The following HDHD5 variants were observed in gnomAD, a reference collection of about 807,000 sequenced individuals.
The protein encoded by HDHD5 is haloacid dehalogenase-like hydrolase domain-containing 5.
HDHD5 carries 34 observed loss-of-function variants against 35.5 expected under a neutral mutation model. The ratio of observed to expected loss-of-function variants is 0.96; its 90% confidence interval spans 0.73 to 1.28. The LOEUF (loss-of-function observed/expected upper bound fraction) is 1.28, where lower values mean the gene tolerates loss of function less well. Ranked by LOEUF, HDHD5 falls within the 50% of genes most tolerant of loss-of-function variation. HDHD5 has a pLI of 0.00. For synonymous variants in HDHD5, 248 were observed against 240.6 expected (o/e 1.03, Z -0.29); for missense variants, 589 against 560.2 (o/e 1.05, Z -0.52).
chr22:17,137,581 C>T lies in HDHD5; in HGVS notation c.*440G>A, dbSNP rs1363349036. The T allele has an allele frequency of 6.4e-6, 1 of 157,044 alleles. No individual in the cohort carries two copies. Among genetic ancestry groups the T allele is most frequent in the African/African-American group, 2.4e-5 (1 of 41,576 alleles). 9.7% of individuals were successfully genotyped at this position (157,044 alleles called of 1,614,324 possible). A position where few individuals can be genotyped will look rare whatever the true frequency, so the allele number is the denominator to read the frequency against. On this transcript the variant is annotated 3_prime_UTR_variant, in exon 8 of 8. Transcript: ENST00000336737. ...AAAAAAAAAGCCCCACATCTCCGGGCAATAAACTACAATACAGTAAAAAGT... is the reference window on the plus strand; with the variant it reads ...AAAAAAAAAGCCCCACATCTCCGGGTAATAAACTACAATACAGTAAAAAGT...
chr22:17,164,376 A>T (rs2061880234), intron 1 of HDHD5, among the ~76,000 whole-genome samples: 1 of 152,224 alleles, frequency 6.6e-6, no homozygotes, highest in South Asian at 2.1e-4. Flanking sequence ...TTTGGCTGTA[A>T]GACACAGAAA....
At chr22:17,147,511 G>T (rs1305934596) in intron 3 of HDHD5, among the ~76,000 whole-genome samples, 1 of 132,024 alleles carries the variant, frequency 7.6e-6, no homozygotes, top group Non-Finnish European at 1.6e-5. Flanking sequence ...TCGATCACAC[G>T]CCATCGCACA....
At chr22:17,139,253 C>T (rs1022228285) in intron 6 of HDHD5, among the ~76,000 whole-genome samples, 5 of 152,182 alleles carry the variant, frequency 3.3e-5, no homozygotes, top group Non-Finnish European at 4.4e-5. Flanking sequence ...GGCGGCCAGG[C>T]GCAGTGGCTC....
At position 17,149,584 on chromosome 22, in the gene HDHD5, T is replaced by C. The variant is rs780008471; in HGVS notation, c.288A>G (p.Gln96=). The C allele has an allele frequency of 1.2e-6, 2 of 1,612,700 alleles. No homozygotes were observed. Among genetic ancestry groups the C allele is most frequent in the African/African-American group, 2.7e-5 (2 of 74,866 alleles). The change falls in exon 2 of 8, where the codon CAA becomes CAG. Residue 96 remains glutamine, a synonymous_variant. Transcript: ENST00000336737. ...CTGACAGCTCCTGGGCTTTGCTGTG[T>C]TGTAAGATGTTCCCAGCATTTGTAA... is the stretch of plus-strand genomic sequence containing the variant. ...VFVTNAGNIL[Q]HSKAQELSAL...
chr22:17,157,478 G>A (rs1010007914), intron 1 of HDHD5, among the ~76,000 whole-genome samples: 3 of 152,064 alleles, frequency 2.0e-5, no homozygotes, highest in South Asian at 2.1e-4. Context: ...AAGTGAAGCC[G>A]CTAACAGACT....
intron 5 of HDHD5, 51 bp from the exon 6 acceptor site, chr22:17,141,284 C>CA (rs760013470): frequency 1.9e-6 from 3 of 1,541,274 alleles, no homozygotes; most frequent in Non-Finnish European, 2.6e-6. Flanking sequence ...TGGCAGGCGG[C>CA]AGGCCCTCAG....
chr22:17,163,451 G>C (rs2061875227), upstream of HDHD5, among the ~76,000 whole-genome samples: 1 of 152,150 alleles, frequency 6.6e-6, no homozygotes, highest in Non-Finnish European at 1.5e-5. Flanking sequence ...ACTTTAGGAA[G>C]CTCTCCTTTA....
At chr22:17,163,715 G>A (rs1244530320), upstream of HDHD5, among the ~76,000 whole-genome samples, 1 of 152,162 alleles carries the variant, frequency 6.6e-6, no homozygotes, top group Non-Finnish European at 1.5e-5. Flanking sequence ...CCATAAAACA[G>A]CAGCCATTCC....
intron 1 of HDHD5, among the ~76,000 whole-genome samples, chr22:17,155,269 A>T (rs985614504): frequency 2.1e-5 from 3 of 145,604 alleles, no homozygotes; most frequent in Non-Finnish European, 3.0e-5. Flanking sequence ...TTTTTTTGAG[A>T]CGGAGTCTCA....
chr22:17,141,381 A>G (rs1252489301), intron 5 of HDHD5, 148 bp from the exon 6 acceptor site: 6 of 1,401,266 alleles, frequency 4.3e-6, no homozygotes, highest in Non-Finnish European at 4.6e-6. Flanking sequence ...CAAGCCCAGT[A>G]GAGCCCCTTA....
At chr22:17,141,335 T>C in intron 5 of HDHD5, 102 bp from the exon 6 acceptor site, 7 of 1,464,290 alleles carry the variant, frequency 4.8e-6, no homozygotes, top group Non-Finnish European at 4.5e-6. Flanking sequence ...CCTCCACCCA[T>C]GGTGCACCCA....
intron 1 of HDHD5, among the ~76,000 whole-genome samples, chr22:17,152,271 G>C (rs1182363987): frequency 9.6e-6 from 1 of 104,158 alleles, no homozygotes. Context: ...GCATTGGGTG[G>C]ACTGAAGGGA....
intron 7 of HDHD5, 37 bp downstream of exon 7, chr22:17,138,513 G>A (rs1171787779): frequency 2.5e-6 from 4 of 1,597,552 alleles, no homozygotes; most frequent in Middle Eastern, 1.7e-4. Context: ...AGAAGGGGAT[G>A]TCATAAAAGG....
At chr22:17,147,900 C>T (rs1385896447) in intron 3 of HDHD5, among the ~76,000 whole-genome samples, 3 of 152,236 alleles carry the variant, frequency 2.0e-5, no homozygotes, top group African/African-American at 4.8e-5. Context: ...ATAAGTCCTA[C>T]GCCCTCATCC....
chr22:17,159,213 C>T lies in HDHD5; in HGVS notation c.39G>A (p.Ala13=). 8.3e-7 allele frequency: 1 copy of T among 1,210,200 alleles called. No individual in the cohort carries two copies. The highest frequency in any genetic ancestry group is 1.0e-6 in the Non-Finnish European group (1 of 974,742). The allele number at this position is 1,210,200 out of a possible 1,614,324, so 75.0% of individuals were successfully genotyped here. ...GCGCCGCCCGCCAGCAAAGCCCACG[C>T]GCCGCGCCGAGCGCAGCCACACAGC... is the stretch of plus-strand genomic sequence containing the variant. The part of the protein sequence containing the change: ...AWGCVAALGA[A]RGLCWRAARA... The change falls in exon 1 of 8, where the codon GCG becomes GCA. Residue 13 remains alanine (A), a synonymous_variant. Coordinates refer to ENST00000336737, the MANE Select transcript of HDHD5 (RefSeq NM_033070.3).
Position 17,138,291 on chromosome 22 carries a change from A to G in HDHD5, c.1002T>C (p.His334=). 1.2e-6 allele frequency: 2 copies of G among 1,614,122 alleles called. No individual in the cohort carries two copies. Among genetic ancestry groups the G allele is most frequent in the African/African-American group, 1.3e-5 (1 of 75,036 alleles). The change falls in exon 8 of 8, where the codon CAT becomes CAC. Residue 334 remains histidine, a synonymous_variant. Coordinates refer to ENST00000336737, the MANE Select transcript of HDHD5 (RefSeq NM_033070.3). ...LFHQYLQKAT[H]DGAPELGAGG... The stretch of plus-strand genomic sequence containing the variant: ...CGGCCCCTAGTTCTGGCGCCCCATC[A>G]TGCGTTGCCTTCTGCAGGTACTGGT...
intron 5 of HDHD5, 35 bp from the exon 6 acceptor site, chr22:17,141,268 G>C (rs1241645945): frequency 3.2e-6 from 5 of 1,557,046 alleles, no homozygotes; most frequent in Non-Finnish European, 4.3e-6. Context: ...AGGGCTGCAG[G>C]GCAGATGGCA....
upstream of HDHD5, among the ~76,000 whole-genome samples, chr22:17,160,856 T>A (rs2061858719): frequency 6.6e-6 from 1 of 152,132 alleles, no homozygotes; most frequent in Non-Finnish European, 1.5e-5. Context: ...GCAATGTTCC[T>A]AATCCCTTCC....
chr22:17,156,400 C>A (rs1381148360), intron 1 of HDHD5, among the ~76,000 whole-genome samples: 1 of 152,182 alleles, frequency 6.6e-6, no homozygotes, highest in South Asian at 2.1e-4. Context: ...ATCATGAGGT[C>A]AGGAGTTCGA....
Sources: allele counts gnomAD v4.1 joint callset (sites outside exome capture counted in the v4.1 genomes callset), GRCh38; gene constraint gnomAD v4.1.1; transcripts MANE v1.5; gene names NCBI Gene and HGNC (gene_info 2026-07-23, HGNC 2026-07-21).